The following LTBP1 variants were observed in gnomAD, a reference collection of about 807,000 sequenced individuals.
LTBP1 encodes the protein latent transforming growth factor beta binding protein 1.
LTBP1 carries 129 observed loss-of-function variants against 207.6 expected under a neutral mutation model. The ratio of observed to expected loss-of-function variants is 0.62; its 90% CI spans 0.54 to 0.72. LTBP1 has a LOEUF of 0.72. Ranked by LOEUF, LTBP1 falls within the 30% of genes least tolerant of loss-of-function variation. The probability of loss-of-function intolerance (pLI) is 0.00; values close to 1 mark genes in which losing one functional copy is unlikely to be tolerated. For synonymous variants in LTBP1, 963 were observed against 833.7 expected (o/e 1.16, Z -2.67); for missense variants, 2,281 against 2,217.2 (o/e 1.03, Z -0.58).
intron 2 of LTBP1, among the ~76,000 whole-genome samples, chr2:32,974,506 T>C (rs1402884244): frequency 2.0e-5 from 3 of 152,220 alleles, no homozygotes; most frequent in Admixed American, 6.5e-5. Flanking sequence ...GATGGGTAGC[T>C]TGCAAATATT....
chr2:33,222,016 T>C, intron 8 of LTBP1, 64 bp from the exon 9 acceptor site: 1 of 1,161,926 alleles, frequency 8.6e-7, no homozygotes, highest in Admixed American at 1.7e-5. Context: ...GCTTCAGATA[T>C]CACTTACACT....
intron 15 of LTBP1, among the ~76,000 whole-genome samples, chr2:33,270,375 G>A (rs2093291085): frequency 6.6e-6 from 1 of 151,904 alleles, no homozygotes; most frequent in Admixed American, 6.6e-5. Flanking sequence ...GGATCGCAAG[G>A]TCAAGAGATG....
chr2:33,145,332 C>T (rs2082940395), intron 5 of LTBP1, among the ~76,000 whole-genome samples: 1 of 152,054 alleles, frequency 6.6e-6, no homozygotes. Context: ...ATTCAGATGC[C>T]CATCAGCTTC....
intron 31 of LTBP1, among the ~76,000 whole-genome samples, chr2:33,368,496 A>ACCTC (rs1335129310): frequency 1.3e-5 from 2 of 152,118 alleles, no homozygotes; most frequent in Admixed American, 1.3e-4. Context: ...GCTGCAATGA[A>ACCTC]CCTCCATGTA....
chr2:33,095,912 T>A (rs1370147248), intron 3 of LTBP1, among the ~76,000 whole-genome samples: 1 of 152,124 alleles, frequency 6.6e-6, no homozygotes, highest in Non-Finnish European at 1.5e-5. Context: ...AACATATATG[T>A]AATTGTAGTC....
At chr2:33,136,322 G>C (rs1572799369) in intron 5 of LTBP1, among the ~76,000 whole-genome samples, 1 of 152,164 alleles carries the variant, frequency 6.6e-6, no homozygotes, top group Non-Finnish European at 1.5e-5. Flanking sequence ...TCTGGTCCCG[G>C]TCCTGCCACT....
At chr2:33,304,033 T>G (rs1412262906) in intron 22 of LTBP1, among the ~76,000 whole-genome samples, 4 of 152,242 alleles carry the variant, frequency 2.6e-5, no homozygotes, top group African/African-American at 7.2e-5. Context: ...GTGTAAGCAT[T>G]TTAACAGAAG....
rs560320771 is a variant in LTBP1 at position 33,005,022 on chromosome 2, T to G, written c.566-15887T>G. 3.3e-4 allele frequency among the ~76,000 whole-genome samples: 50 copies of G among 152,122 alleles called. 1 individual carries two copies. The highest frequency in any genetic ancestry group is 1.2e-3 in the African/African-American group (48 of 41,538). On this transcript the variant is annotated intron_variant, in intron 2 of 33. Transcript: ENST00000404816. ...ACAGGATTCATGAAGTTATTAATCA[T>G]ATCTGTGCTGATTTTTATTTTGACG...
In LTBP1 at chr2:33,255,238, C is replaced by G. The variant is rs567621141; in HGVS notation, c.2168-2046C>G. Reference sequence around the variant, plus strand: ...TGATGGTTTCCAATTTCATCCATGTCCCTACAAAGGACATGAACTCATCAT... The same window carrying G: ...TGATGGTTTCCAATTTCATCCATGTGCCTACAAAGGACATGAACTCATCAT... On this transcript the variant is annotated intron_variant, in intron 11 of 33. Transcript: ENST00000404816. 7.9e-5 allele frequency among the ~76,000 whole-genome samples: 12 copies of G among 151,894 alleles called. No individual in the cohort carries two copies. The South Asian group carries it at 1.9e-3, about 24-fold the overall frequency.
chr2:33,341,086 C>CA (rs113547255), intron 24 of LTBP1, among the ~76,000 whole-genome samples: 90,536 of 151,464 alleles, frequency 0.6, 28,267 homozygotes, highest in African/African-American at 0.78. Context: ...ATTGTTTCTC[C>CA]AAATCTTACA....
At position 33,134,531 on chromosome 2, in the gene LTBP1, G is replaced by C; in HGVS notation, c.1034-262G>C. 1.3e-6 allele frequency: 2 copies of C among 1,497,246 alleles called. No individual in the cohort carries two copies. The highest frequency in any genetic ancestry group is 1.8e-6 in the Non-Finnish European group (2 of 1,110,870). The allele number at this position is 1,497,246 out of a possible 1,614,324, so 92.7% of individuals were successfully genotyped here. The stretch of plus-strand genomic sequence containing the variant: ...GTTAGTAATCCCACTCCAGTGACTC[G>C]ACTTCAAATGTGGTTTTGGAGTGCA... On this transcript the variant is annotated intron_variant, in intron 4 of 33. Transcript: ENST00000404816. The surrounding 1 kb of genome is among the most constrained non-coding windows in gnomAD (Gnocchi z 4.4).
At chr2:32,978,200 C>T (rs1432607170) in intron 2 of LTBP1, among the ~76,000 whole-genome samples, 2 of 152,028 alleles carry the variant, frequency 1.3e-5, no homozygotes, top group African/African-American at 2.4e-5. Flanking sequence ...ATTCGGATGC[C>T]CTTTATTTCT....
chr2:32,982,759 T>C (rs767545559), intron 2 of LTBP1, among the ~76,000 whole-genome samples: 9 of 152,190 alleles, frequency 5.9e-5, no homozygotes, highest in Non-Finnish European at 8.8e-5. Context: ...TTCCACATGA[T>C]GTTGAGCCTG....
chr2:33,187,525 A>G (rs1444422768), intron 6 of LTBP1, among the ~76,000 whole-genome samples: 2 of 151,928 alleles, frequency 1.3e-5, no homozygotes, highest in Admixed American at 6.6e-5. Context: ...CTGGACTTCA[A>G]TTTGTTCGTC....
chr2:33,384,079 G>A (rs930886269), intron 31 of LTBP1, among the ~76,000 whole-genome samples: 3 of 152,166 alleles, frequency 2.0e-5, no homozygotes, highest in Non-Finnish European at 4.4e-5. Context: ...AGACTGCCCT[G>A]CACATGTGTC....
At chr2:33,302,236 T>A (rs952371751) in intron 22 of LTBP1, among the ~76,000 whole-genome samples, 6 of 152,244 alleles carry the variant, frequency 3.9e-5, no homozygotes, top group Admixed American at 2.0e-4. Flanking sequence ...ACCACCGGTC[T>A]GTCACTTGTG....
intron 3 of LTBP1, among the ~76,000 whole-genome samples, chr2:33,049,632 T>C (rs559137315): frequency 2.3e-4 from 35 of 152,262 alleles, no homozygotes; most frequent in Admixed American, 7.8e-4. Context: ...AAAATTTAAA[T>C]TTCATTTTTA....
intron 1 of LTBP1, 73 bp downstream of exon 1, chr2:32,947,891 G>A: frequency 1.6e-6 from 2 of 1,227,200 alleles, no homozygotes; most frequent in Non-Finnish European, 2.1e-6. Context: ...GCGGGGTCAG[G>A]GCCACTCGGA....
chr2:33,174,490 C>G (rs2085805295), intron 5 of LTBP1, among the ~76,000 whole-genome samples: 2 of 151,946 alleles, frequency 1.3e-5, no homozygotes, highest in South Asian at 4.2e-4. Flanking sequence ...CAAACCACTG[C>G]TCAATGAAAT....
Sources: gnomAD v4.1 joint callset for allele counts (sites outside exome capture counted in the v4.1 genomes callset) on GRCh38, gnomAD v4.1.1 for gene constraint, Gnocchi (gnomAD v3.1) non-coding constraint, MANE v1.5 for transcripts, NCBI Gene and HGNC (gene_info 2026-07-23, HGNC 2026-07-21) for gene names.